Variants in NETO1 observed in about 807,000 individuals in gnomAD.
NETO1 encodes neuropilin and tolloid like 1.
In NETO1, 26 loss-of-function variants were observed where a neutral mutation model predicts 61.3. The ratio of observed to expected loss-of-function variants is 0.42; its 90% CI spans 0.31 to 0.59. The LOEUF (loss-of-function observed/expected upper bound fraction) is 0.59. Among genes scored for constraint, NETO1 ranks in the 20% least tolerant of loss-of-function variants. NETO1 has a pLI of 0.12. For synonymous variants in NETO1, 225 were observed against 225.8 expected (o/e 1.00, Z 0.03); for missense variants, 531 against 662.8 (o/e 0.80, Z 2.18).
At chr18:72,804,581 C>T (rs1262667367) in intron 4 of NETO1, among the ~76,000 whole-genome samples, 1 of 152,128 alleles carries the variant, frequency 6.6e-6, no homozygotes, top group Non-Finnish European at 1.5e-5. Flanking sequence ...CCAATCATTC[C>T]ATATTTCTGA....
At chr18:72,753,940 C>T (rs577607748) in intron 8 of NETO1, among the ~76,000 whole-genome samples, 11 of 152,212 alleles carry the variant, frequency 7.2e-5, no homozygotes, top group African/African-American at 2.6e-4. Flanking sequence ...ACTTGCTGTC[C>T]TTTCTTCTCC....
chr18:72,771,142 A>C (rs2071339565), intron 7 of NETO1, among the ~76,000 whole-genome samples: 1 of 152,184 alleles, frequency 6.6e-6, no homozygotes, highest in South Asian at 2.1e-4. Context: ...AAAATTAAGA[A>C]TTTGCATTAT....
intron 6 of NETO1, among the ~76,000 whole-genome samples, chr18:72,790,201 T>G (rs1028039972): frequency 1.3e-5 from 2 of 152,128 alleles, no homozygotes; most frequent in Non-Finnish European, 2.9e-5. Context: ...TTTGACTCTG[T>G]CCCGTATCCC....
At chr18:72,754,950 C>T (rs1453989461) in intron 8 of NETO1, among the ~76,000 whole-genome samples, 1 of 152,152 alleles carries the variant, frequency 6.6e-6, no homozygotes, top group Non-Finnish European at 1.5e-5. Context: ...TCGCCATAGG[C>T]ATAACCTCCA....
rs1034716622 is a variant in NETO1 at position 72,827,779 on chromosome 18, T to C, written c.469+31047A>G. Among the ~76,000 whole-genome samples, 8 of 152,104 alleles carry C rather than the reference T, an allele frequency of 5.3e-5. No individual in the cohort carries two copies. In the East Asian group the frequency reaches 7.7e-4, roughly 15 times the overall value. On this transcript the variant is annotated intron_variant, in intron 4 of 10. Transcript: ENST00000327305. ...ATTACAGGAAATTGTCCTTGCTGTT[T>C]GGGCATGTTGAAAGGGACAGTTGCT... is the stretch of plus-strand genomic sequence containing the variant.
chr18:72,811,187 C>A, intron 4 of NETO1, among the ~76,000 whole-genome samples: 1 of 152,168 alleles, frequency 6.6e-6, no homozygotes, highest in East Asian at 1.9e-4. Flanking sequence ...TTGGCACTCA[C>A]TTTTCTGACG....
intron 7 of NETO1, among the ~76,000 whole-genome samples, chr18:72,774,841 T>C (rs567339016): frequency 2.0e-5 from 3 of 152,354 alleles, no homozygotes; most frequent in African/African-American, 7.2e-5. Context: ...ACCGGGTAAA[T>C]TGTAGACTAA....
chr18:72,757,825 T>C (rs1331999740), intron 7 of NETO1, among the ~76,000 whole-genome samples: 1 of 152,168 alleles, frequency 6.6e-6, no homozygotes, highest in Non-Finnish European at 1.5e-5. Flanking sequence ...AATTAGATAG[T>C]GAATGTTGTC....
At chr18:72,826,720 C>T (rs1422527534) in intron 4 of NETO1, among the ~76,000 whole-genome samples, 2 of 152,190 alleles carry the variant, frequency 1.3e-5, no homozygotes, top group African/African-American at 2.4e-5. Flanking sequence ...TAGGAACACA[C>T]AGGCATGAAG....
intron 8 of NETO1, among the ~76,000 whole-genome samples, chr18:72,755,703 G>C (rs1043405869): frequency 6.6e-6 from 1 of 152,058 alleles, no homozygotes; most frequent in Non-Finnish European, 1.5e-5. Context: ...GAGACGTGTA[G>C]CCACAAGCAG....
intron 6 of NETO1, among the ~76,000 whole-genome samples, chr18:72,785,913 T>C (rs12966310): frequency 1.3e-5 from 2 of 152,168 alleles, no homozygotes; most frequent in Non-Finnish European, 2.9e-5. Flanking sequence ...GCAGACTTAA[T>C]CTCTACAGCC....
At chr18:72,766,220 A>ATATGTGTGTGTG (rs1491565058) in intron 7 of NETO1, among the ~76,000 whole-genome samples, 111 of 144,762 alleles carry the variant, frequency 7.7e-4, no homozygotes, top group African/African-American at 2.7e-3. Flanking sequence ...AAAAAAAAAT[A>ATATGTGTGTGTG]TGTGTGTGTG....
chr18:72,834,093 T>C (rs369124183), intron 4 of NETO1: 8 of 941,674 alleles, frequency 8.5e-6, no homozygotes, highest in South Asian at 4.9e-5. Flanking sequence ...ACTTGTATTA[T>C]TGTCTTGGCA....
chr18:72,744,575 AATGGC>A lies in NETO1; in HGVS notation c.*3599_*3603del, dbSNP rs1250113481. 7.2e-5 allele frequency: 11 copies of A among 152,154 alleles called. No homozygotes were observed. Among genetic ancestry groups the A allele is most frequent in the African/African-American group, 2.7e-4 (11 of 41,444 alleles). 9.4% of individuals were successfully genotyped at this position (152,154 alleles called of 1,614,324 possible). A position where few individuals can be genotyped will look rare whatever the true frequency, so the allele number is the denominator to read the frequency against. ...ATGGAGGGAAAAGGGCACAGAGAAAAATGGCACCGAAGCTAGCTCGCCTCAGTGCA... is the reference window on the plus strand; with the variant it reads ...ATGGAGGGAAAAGGGCACAGAGAAAAACCGAAGCTAGCTCGCCTCAGTGCA... On this transcript the variant is annotated 3_prime_UTR_variant, in exon 11 of 11. Transcript: ENST00000327305.
chr18:72,811,570 A>G (rs918134147), intron 4 of NETO1, among the ~76,000 whole-genome samples: 8 of 152,164 alleles, frequency 5.3e-5, no homozygotes, highest in Non-Finnish European at 1.2e-4. Flanking sequence ...CTGGGAGACC[A>G]GAAAAGGAGG....
intron 4 of NETO1, among the ~76,000 whole-genome samples, chr18:72,842,337 G>T (rs1347304614): frequency 6.6e-6 from 1 of 152,108 alleles, no homozygotes; most frequent in South Asian, 2.1e-4. Flanking sequence ...TTATTGTTAC[G>T]AGTTTCGAAT....
chr18:72,855,403 G>A (rs1024823292), intron 4 of NETO1, among the ~76,000 whole-genome samples: 3 of 152,140 alleles, frequency 2.0e-5, no homozygotes, highest in Non-Finnish European at 4.4e-5. Flanking sequence ...GTGATTCACC[G>A]CTGCACTGTG....
At chr18:72,837,407 G>C (rs1308786667) in intron 4 of NETO1, among the ~76,000 whole-genome samples, 1 of 152,150 alleles carries the variant, frequency 6.6e-6, no homozygotes, top group African/African-American at 2.4e-5. Flanking sequence ...AATAAAAACT[G>C]AGTCAAAGTA....
intron 4 of NETO1, among the ~76,000 whole-genome samples, chr18:72,826,945 G>A (rs1416810670): frequency 6.6e-6 from 1 of 152,060 alleles, no homozygotes; most frequent in East Asian, 1.9e-4. Context: ...CAGTGCCCGC[G>A]CTGTTCTGGC....
Sources: allele counts gnomAD v4.1 joint callset (sites outside exome capture counted in the v4.1 genomes callset), GRCh38; gene constraint gnomAD v4.1.1; transcripts MANE v1.5; gene names NCBI Gene and HGNC (gene_info 2026-07-23, HGNC 2026-07-21).